Variants in PRSS38 observed in about 807,000 individuals in gnomAD.
The protein encoded by PRSS38 is serine protease 38.
Under a neutral mutation model 26.8 loss-of-function variants are expected in PRSS38, and 22 were observed. The observed-to-expected ratio is 0.82, with a 90% CI of 0.59 to 1.17. The LOEUF (loss-of-function observed/expected upper bound fraction) is 1.17. Ranked by LOEUF, PRSS38 falls within the 50% of genes most tolerant of loss-of-function variation. The pLI is 0.00. For missense variants in PRSS38, 427 were observed against 422.7 expected (o/e 1.01, Z -0.09); for synonymous variants, 175 against 172.1 (o/e 1.02, Z -0.13).
At position 227,816,143 on chromosome 1, in the gene PRSS38, G is replaced by T. The variant is rs773691820; in HGVS notation, c.202G>T (p.Glu68Ter). 53 of 1,613,778 alleles carry T rather than the reference G, an allele frequency of 3.3e-5. No individual in the cohort carries two copies. The highest frequency in any genetic ancestry group is 1.0e-4 in the Admixed American group (6 of 60,018). The change falls in exon 2 of 5, where the codon GAG becomes TAG. Residue 68 changes from glutamate (E) to a stop codon, truncating the protein, a stop_gained. Transcript: ENST00000366757. LOFTEE classifies it high-confidence loss of function. The surrounding 1 kb of genome is among the most constrained non-coding windows in gnomAD (Gnocchi z 5.1). ...AATCCTGGGCGGCGTCCCTGCGCCC[G>T]AGAGGAAGTGGCCGTGGCAGGTCAG...
At chr1:227,835,045 A>T (rs1271518267) in intron 3 of PRSS38, among the ~76,000 whole-genome samples, 1 of 152,206 alleles carries the variant, frequency 6.6e-6, no homozygotes, top group Non-Finnish European at 1.5e-5. Flanking sequence ...CATTTCTCCA[A>T]AGATAACATG....
chr1:227,841,273 C>T (rs1665333981), intron 3 of PRSS38, among the ~76,000 whole-genome samples: 1 of 152,260 alleles, frequency 6.6e-6, no homozygotes, highest in African/African-American at 2.4e-5. Flanking sequence ...TAGCTGCACC[C>T]CTCAGCAGTG....
At chr1:227,838,736 G>A (rs1407248106) in intron 3 of PRSS38, among the ~76,000 whole-genome samples, 1 of 152,120 alleles carries the variant, frequency 6.6e-6, no homozygotes, top group Admixed American at 6.5e-5. Context: ...GGATGTTTTG[G>A]CCATTATAAT....
At chr1:227,834,678 A>G (rs1207042290) in intron 3 of PRSS38, among the ~76,000 whole-genome samples, 2 of 151,928 alleles carry the variant, frequency 1.3e-5, no homozygotes, top group Non-Finnish European at 2.9e-5. Flanking sequence ...CAAAAAAAAA[A>G]AATTAGCTGG....
At chr1:227,846,162 C>G (rs768756902) in exon 5 of PRSS38, 10 of 1,613,186 alleles carry the variant, frequency 6.2e-6, no homozygotes, top group Non-Finnish European at 8.5e-6. Flanking sequence ...CTGGGGCCCA[C>G]TCTCAGCGTC....
intron 3 of PRSS38, among the ~76,000 whole-genome samples, chr1:227,826,346 C>T (rs1359098971): frequency 6.6e-6 from 1 of 152,194 alleles, no homozygotes; most frequent in East Asian, 1.9e-4. Flanking sequence ...GACTACTTCT[C>T]TTCCTATTTG....
At chr1:227,828,725 T>C (rs918016238) in intron 3 of PRSS38, among the ~76,000 whole-genome samples, 13 of 151,040 alleles carry the variant, frequency 8.6e-5, no homozygotes, top group African/African-American at 3.1e-4. Context: ...TGTAAGTGGG[T>C]CCCTGATTCT....
chr1:227,822,338 A>G (rs1005836522), intron 3 of PRSS38, among the ~76,000 whole-genome samples: 5 of 152,012 alleles, frequency 3.3e-5, no homozygotes, highest in Non-Finnish European at 7.4e-5. Flanking sequence ...GACAGTTTCT[A>G]TCCACTTATT....
chr1:227,817,321 G>A (rs1470450290), exon 3 of PRSS38: 1 of 1,614,100 alleles, frequency 6.2e-7, no homozygotes, highest in African/African-American at 1.3e-5. Flanking sequence ...CCCCACATAT[G>A]AGATGTACCA....
At chr1:227,835,516 C>T (rs768062631) in intron 3 of PRSS38, among the ~76,000 whole-genome samples, 10 of 152,190 alleles carry the variant, frequency 6.6e-5, no homozygotes, top group Middle Eastern at 3.2e-3. Flanking sequence ...AGTACATGTA[C>T]ATGTGTGTTC....
At chr1:227,842,136 C>T (rs539571424) in intron 3 of PRSS38, among the ~76,000 whole-genome samples, 3 of 152,304 alleles carry the variant, frequency 2.0e-5, no homozygotes, top group Admixed American at 6.5e-5. Context: ...AGGCCCACCT[C>T]GAACATTTGG....
In PRSS38 at chr1:227,819,436, C is replaced by T. The variant is rs149020836; in HGVS notation, c.583+1956C>T. ...TCTTACATATTTGTTATTCGTTTCTCAAAAGTATGTGCACCCTATTTTGAT... is the reference window on the plus strand; with the variant it reads ...TCTTACATATTTGTTATTCGTTTCTTAAAAGTATGTGCACCCTATTTTGAT... On this transcript the variant is annotated intron_variant, in intron 3 of 4. Coordinates refer to ENST00000366757, the Ensembl canonical transcript of PRSS38. Among the ~76,000 whole-genome samples the T allele has an allele frequency of 3.3e-3, 498 of 152,156 alleles. 2 individuals are homozygous for T. The highest frequency in any genetic ancestry group is 3.8e-3 in the Admixed American group (58 of 15,290).
intron 3 of PRSS38, among the ~76,000 whole-genome samples, chr1:227,821,326 A>C (rs113315951): frequency 0.019 from 2,940 of 152,246 alleles, 95 homozygotes; most frequent in African/African-American, 0.065. Flanking sequence ...GCCATTGTGA[A>C]TAGTGCTGCA....
intron 3 of PRSS38, among the ~76,000 whole-genome samples, chr1:227,841,762 C>T (rs532852455): frequency 1.3e-4 from 20 of 152,332 alleles, no homozygotes; most frequent in African/African-American, 4.6e-4. Context: ...TCTCCAGCTC[C>T]ATCTCACAAA....
chr1:227,845,993 AGCTG>A lies in PRSS38; in HGVS notation c.768_771del (p.Trp257CysfsTer6), dbSNP rs962681470. 3.1e-6 allele frequency: 5 copies of A among 1,614,046 alleles called. No individual in the cohort carries two copies. The African/African-American group carries it at 6.7e-5, about 22-fold the overall frequency. ...CCCACTTGTCTGTGAATTCAACCGC[AGCTG>A]GTTGCAGATTGGAATTGTGAGCTGG... On this transcript the variant is annotated frameshift_variant, in exon 5 of 5. Coordinates refer to ENST00000366757, the Ensembl canonical transcript of PRSS38. LOFTEE classifies it low-confidence loss of function (END_TRUNC).
intron 3 of PRSS38, among the ~76,000 whole-genome samples, chr1:227,840,415 C>T (rs2102684883): frequency 6.6e-6 from 1 of 152,024 alleles, no homozygotes. Context: ...GCCAGTGTAC[C>T]CAGCCTACAC....
upstream of PRSS38, chr1:227,815,678 G>A (rs776601659): frequency 9.1e-6 from 14 of 1,537,366 alleles, no homozygotes; most frequent in African/African-American, 4.1e-5. Flanking sequence ...GTCACATGTC[G>A]GGAGCTAGTC....
chr1:227,835,035 C>A (rs906146039), intron 3 of PRSS38, among the ~76,000 whole-genome samples: 4 of 152,166 alleles, frequency 2.6e-5, no homozygotes, highest in African/African-American at 9.7e-5. Context: ...CTTGAACTGA[C>A]ATTTCTCCAA....
At chr1:227,843,707 TAA>T (rs901847049) in intron 3 of PRSS38, among the ~76,000 whole-genome samples, 2 of 136,998 alleles carry the variant, frequency 1.5e-5, no homozygotes, top group East Asian at 4.4e-4. Flanking sequence ...AACTCCATCT[TAA>T]AAAAAAAATG....
Sources: gnomAD v4.1 joint callset for allele counts (sites outside exome capture counted in the v4.1 genomes callset) on GRCh38, gnomAD v4.1.1 for gene constraint, Gnocchi (gnomAD v3.1) non-coding constraint, MANE v1.5 for transcripts, NCBI Gene and HGNC (gene_info 2026-07-23, HGNC 2026-07-21) for gene names.